ADCYAP1: variants seen among roughly 807,000 people sequenced by gnomAD.
ADCYAP1 encodes adenylate cyclase activating polypeptide 1, also known as pituitary adenylate cyclase-activating polypeptide.
A neutral mutation model predicts 18.5 loss-of-function variants in ADCYAP1; 6 were observed. The ratio of observed to expected loss-of-function variants is 0.32; its 90% CI spans 0.18 to 0.64. The LOEUF (loss-of-function observed/expected upper bound fraction) is 0.64. Ranked by LOEUF, ADCYAP1 falls within the 30% of genes least tolerant of loss-of-function variation. The pLI is 0.77. For missense variants in ADCYAP1, 314 were observed against 253.6 expected (o/e 1.24, Z -1.62); for synonymous variants, 136 against 113.9 (o/e 1.19, Z -1.24).
intron 1 of ADCYAP1, 159 bp downstream of exon 1, chr18:905,219 A>G: frequency 6.9e-7 from 1 of 1,449,130 alleles, no homozygotes; most frequent in Non-Finnish European, 9.0e-7. Flanking sequence ...TAACTATAGC[A>G]AGCAAGAAGT....
upstream of ADCYAP1, chr18:904,674 G>A (rs1909088332): frequency 7.4e-6 from 9 of 1,221,188 alleles, no homozygotes; most frequent in South Asian, 4.3e-5. Flanking sequence ...CCTCTCCCTT[G>A]CCTTCCTCCC....
At chr18:904,490 G>T, upstream of ADCYAP1, 2 of 1,289,076 alleles carry the variant, frequency 1.6e-6, no homozygotes, top group Non-Finnish European at 1.0e-6. Flanking sequence ...ATAGATTTTT[G>T]CGAACTGCAC....
upstream of ADCYAP1, chr18:904,716 T>C: frequency 8.1e-7 from 1 of 1,231,400 alleles, no homozygotes; most frequent in Non-Finnish European, 1.0e-6. Flanking sequence ...TTTCCCTTAA[T>C]CGCCTGCTTC....
chr18:908,458 G>C, intron 4 of ADCYAP1, 95 bp downstream of exon 4: 1 of 1,027,702 alleles, frequency 9.7e-7, no homozygotes, highest in Admixed American at 2.4e-5. Flanking sequence ...GTGGGGGCCA[G>C]GGTGAGTCTG....
intron 3 of ADCYAP1, chr18:907,995 C>A: frequency 1.0e-6 from 1 of 993,616 alleles, no homozygotes; most frequent in South Asian, 2.0e-5. Context: ...CGCGTGGGGA[C>A]CGAGGGGGGC....
intron 3 of ADCYAP1, 94 bp from the exon 4 acceptor site, chr18:908,171 C>G (rs1909249305): frequency 8.7e-7 from 1 of 1,153,144 alleles, no homozygotes; most frequent in African/African-American, 1.6e-5. Flanking sequence ...GCCTCCCCGG[C>G]CGCCGAGGGG....
chr18:909,722 G>T lies in ADCYAP1; in HGVS notation c.*87G>T, dbSNP rs1909316483. 2 of 1,218,376 alleles carry T rather than the reference G, an allele frequency of 1.6e-6. No individual in the cohort carries two copies. Among genetic ancestry groups the T allele is most frequent in the African/African-American group, 3.0e-5 (2 of 66,298 alleles). The allele number at this position is 1,218,376 out of a possible 1,614,324, so 75.5% of individuals were successfully genotyped here. On this transcript the variant is annotated 3_prime_UTR_variant, in exon 5 of 5. Coordinates refer to ENST00000450565, the MANE Select transcript of ADCYAP1 (RefSeq NM_001099733.2). Reference sequence around the variant, plus strand: ...CTGACTCAACAGTCATCGCTCGTGTGTTCTATCCAAACATGTATTTATGTA... The same window carrying T: ...CTGACTCAACAGTCATCGCTCGTGTTTTCTATCCAAACATGTATTTATGTA...
At chr18:905,356 G>A in intron 1 of ADCYAP1, 30 bp from the exon 2 acceptor site, 1 of 1,610,524 alleles carries the variant, frequency 6.2e-7, no homozygotes, top group East Asian at 2.2e-5. Flanking sequence ...CGTTCTCACA[G>A]CTGTGTGTCC....
At chr18:909,355 T>A in intron 4 of ADCYAP1, 91 bp from the exon 5 acceptor site, 1 of 1,322,152 alleles carries the variant, frequency 7.6e-7, no homozygotes, top group African/African-American at 1.5e-5. Context: ...CCCCGAAGGC[T>A]CCCGCGTGGG....
intron 2 of ADCYAP1, chr18:906,118 G>C (rs1480660877): frequency 6.6e-6 from 1 of 152,650 alleles, no homozygotes; most frequent in East Asian, 1.9e-4. Context: ...TTAAGAGAGG[G>C]AAGAACAAGG....
intron 4 of ADCYAP1, 45 bp from the exon 5 acceptor site, chr18:909,401 G>T: frequency 6.3e-7 from 1 of 1,575,472 alleles, no homozygotes; most frequent in Non-Finnish European, 8.6e-7. Context: ...GATTGAACCT[G>T]TGTCTCCCGC....
At chr18:905,586 C>CCTG in intron 2 of ADCYAP1, 90 bp downstream of exon 2, 1 of 1,449,586 alleles carries the variant, frequency 6.9e-7, no homozygotes, top group Non-Finnish European at 9.4e-7. Context: ...TCCTTTGGGT[C>CCTG]CAGACTACTA....
intron 2 of ADCYAP1, among the ~76,000 whole-genome samples, chr18:907,052 G>A (rs779859476): frequency 6.6e-5 from 10 of 152,228 alleles, no homozygotes; most frequent in Admixed American, 6.5e-5. Flanking sequence ...AACTGGCTAA[G>A]TTTAGGGGCA....
chr18:907,442 G>A (rs533877610), intron 2 of ADCYAP1: 5,124 of 181,450 alleles, frequency 0.028, 196 homozygotes, highest in African/African-American at 0.21. Flanking sequence ...TACCCGCGAA[G>A]GGGGGGTGGG....
intron 2 of ADCYAP1, 159 bp from the exon 3 acceptor site, chr18:907,500 T>G (rs1301633430): frequency 1.3e-6 from 1 of 761,512 alleles, no homozygotes; most frequent in African/African-American, 1.9e-5. Context: ...TGCCTCCTCC[T>G]TACCTCTGCT....
At chr18:904,816 C>T (rs1307120925), upstream of ADCYAP1, 4 of 1,286,590 alleles carry the variant, frequency 3.1e-6, no homozygotes, top group African/African-American at 4.6e-5. Context: ...CTCTGCGCCC[C>T]CTTCTCTCCG....
At chr18:905,886 C>T (rs8086678) in intron 2 of ADCYAP1, 23,496 of 243,522 alleles carry the variant, frequency 0.096, 1,295 homozygotes, top group East Asian at 0.18. Flanking sequence ...GGGGGTTGAG[C>T]GTGAAGCTCC....
chr18:905,209 T>C (rs1909115905), intron 1 of ADCYAP1, 149 bp downstream of exon 1: 1 of 1,431,054 alleles, frequency 7.0e-7, no homozygotes, highest in Non-Finnish European at 9.1e-7. Flanking sequence ...TATTTTTTTC[T>C]AACTATAGCA....
chr18:908,450 G>T, intron 4 of ADCYAP1, 87 bp downstream of exon 4: 1 of 1,161,264 alleles, frequency 8.6e-7, no homozygotes, highest in Non-Finnish European at 1.2e-6. Context: ...GGGTGCCCGT[G>T]GGGGCCAGGG....
Sources: allele counts gnomAD v4.1 joint callset (sites outside exome capture counted in the v4.1 genomes callset), GRCh38; gene constraint gnomAD v4.1.1; transcripts MANE v1.5; gene names NCBI Gene and HGNC (gene_info 2026-07-23, HGNC 2026-07-21).